The following PI4KA variants were observed in gnomAD, a reference collection of about 807,000 sequenced individuals.
PI4KA encodes PI4-kinase alpha.
PI4KA carries 122 observed loss-of-function variants against 271.4 expected under a neutral mutation model. That is an observed-to-expected ratio of 0.45 (90% confidence interval 0.39 to 0.52). PI4KA has a LOEUF of 0.52. Among genes scored for constraint, PI4KA ranks in the 20% least tolerant of loss-of-function variants. The pLI is 0.00. For synonymous variants in PI4KA, 1,041 were observed against 1,078.8 expected (o/e 0.96, Z 0.69); for missense variants, 1,969 against 2,769.1 (o/e 0.71, Z 6.48).
intron 32 of PI4KA, among the ~76,000 whole-genome samples, chr22:20,737,524 G>A (rs1360578207): frequency 6.6e-6 from 1 of 152,210 alleles, no homozygotes; most frequent in Admixed American, 6.5e-5. Flanking sequence ...GGAGAGGAGA[G>A]AGGTGGATCT....
At chr22:20,717,873 G>A (rs1926208228) in intron 44 of PI4KA, 95 bp from the exon 45 acceptor site, 1 of 828,146 alleles carries the variant, frequency 1.2e-6, no homozygotes, top group Admixed American at 2.0e-5. Context: ...TGCCCTCTCT[G>A]TCCCTCTCTT....
chr22:20,796,420 C>T (rs1178566684), intron 17 of PI4KA, 106 bp from the exon 18 acceptor site: 26 of 927,090 alleles, frequency 2.8e-5, no homozygotes, highest in Non-Finnish European at 4.1e-5. Context: ...CCCAGCCTGC[C>T]TTACCACACT....
chr22:20,764,039 A>G (rs1440698851), intron 22 of PI4KA, among the ~76,000 whole-genome samples: 1 of 152,184 alleles, frequency 6.6e-6, no homozygotes, highest in East Asian at 1.9e-4. Flanking sequence ...TTTCTTTTTC[A>G]AATCATTTGG....
chr22:20,830,339 T>C (rs904069808), intron 3 of PI4KA, among the ~76,000 whole-genome samples: 1 of 121,568 alleles, frequency 8.2e-6, no homozygotes, highest in East Asian at 2.5e-4. Flanking sequence ...TGTATAAATT[T>C]GCTCCCGTGT....
chr22:20,828,628 C>T (rs1390979521), intron 3 of PI4KA, among the ~76,000 whole-genome samples: 1 of 151,866 alleles, frequency 6.6e-6, no homozygotes, highest in East Asian at 1.9e-4. Flanking sequence ...GATCTCGGCT[C>T]ACTGCAACCT....
intron 19 of PI4KA, among the ~76,000 whole-genome samples, chr22:20,791,962 G>T (rs1478798745): frequency 6.6e-6 from 1 of 152,022 alleles, no homozygotes; most frequent in Admixed American, 6.6e-5. Context: ...TTAGCCATGC[G>T]TGGTAGGGCG....
At chr22:20,765,552 C>G in intron 20 of PI4KA, 33 bp downstream of exon 20, 5 of 1,421,308 alleles carry the variant, frequency 3.5e-6, no homozygotes. Context: ...ACTCTGCACT[C>G]CGTCTTCACT....
At chr22:20,798,936 G>A (rs899953049) in intron 16 of PI4KA, 157 bp downstream of exon 16, 5 of 657,560 alleles carry the variant, frequency 7.6e-6, no homozygotes, top group Non-Finnish European at 1.3e-5. Flanking sequence ...AGCACTCACA[G>A]CATCTTACAC....
chr22:20,846,965 A>G (rs1926346901), intron 1 of PI4KA, among the ~76,000 whole-genome samples: 1 of 151,412 alleles, frequency 6.6e-6, no homozygotes, highest in African/African-American at 2.4e-5. Flanking sequence ...GACCAACATG[A>G]TGAAACCCCG....
intron 48 of PI4KA, 74 bp from the exon 49 acceptor site, chr22:20,712,871 G>T: frequency 6.5e-7 from 1 of 1,549,614 alleles, no homozygotes. Flanking sequence ...GCTCATGCAG[G>T]GCAAAAGCCA....
At chr22:20,726,282 T>A in intron 42 of PI4KA, 6 of 484,946 alleles carry the variant, frequency 1.2e-5, no homozygotes, top group Non-Finnish European at 2.1e-5. Flanking sequence ...CAGAGCATGC[T>A]TGGGCCTCAG....
In PI4KA at chr22:20,827,935, C is replaced by T. The variant is rs149995764; in HGVS notation, c.368-3521G>A. Among the ~76,000 whole-genome samples, 1,160 of 152,276 alleles carry T rather than the reference C, an allele frequency of 7.6e-3. 9 individuals carry two copies. Among genetic ancestry groups the T allele is most frequent in the Non-Finnish European group, 0.014 (927 of 68,028 alleles). On this transcript the variant is annotated intron_variant, in intron 3 of 54. Coordinates refer to ENST00000255882, the MANE Select transcript of PI4KA (RefSeq NM_058004.4). ...TCAGCCTCCCAAGTAGCTGGGATTA[C>T]AGGCGTGCACTACCATGCCCAGCTA...
At chr22:20,805,700 T>C (rs1035168697) in intron 10 of PI4KA, among the ~76,000 whole-genome samples, 1 of 151,428 alleles carries the variant, frequency 6.6e-6, no homozygotes, top group Non-Finnish European at 1.5e-5. Context: ...GGCGTGGTGG[T>C]GGGCGCCTGT....
chr22:20,786,985 C>T, intron 19 of PI4KA: 2 of 1,614,194 alleles, frequency 1.2e-6, no homozygotes, highest in Non-Finnish European at 1.7e-6. Context: ...CTGTCGACCG[C>T]CCCTTTCTTT....
Position 20,711,754 on chromosome 22 carries a change from G to GT in PI4KA, c.5803-294dup, listed in dbSNP as rs1008085724. Among the ~76,000 whole-genome samples, 84 of 150,260 alleles carry GT rather than the reference G, an allele frequency of 5.6e-4. No homozygotes were observed. The Middle Eastern group carries it at 0.01, about 18-fold the overall frequency. ...CAAAGTGGCTTACAGATGCCCTGGTGTTTTTTTTTTAAATGGAGTCTCGCT... is the reference window on the plus strand; with the variant it reads ...CAAAGTGGCTTACAGATGCCCTGGTGTTTTTTTTTTTAAATGGAGTCTCGCT... On this transcript the variant is annotated intron_variant, in intron 50 of 54. Coordinates refer to ENST00000255882, the MANE Select transcript of PI4KA (RefSeq NM_058004.4).
intron 1 of PI4KA, among the ~76,000 whole-genome samples, chr22:20,845,135 T>C (rs1223569679): frequency 6.6e-6 from 1 of 152,194 alleles, no homozygotes; most frequent in African/African-American, 2.4e-5. Flanking sequence ...ATGACTGACT[T>C]AGACTTTGAT....
At chr22:20,856,595 T>C (rs1927627417) in intron 1 of PI4KA, among the ~76,000 whole-genome samples, 1 of 151,988 alleles carries the variant, frequency 6.6e-6, no homozygotes, top group Non-Finnish European at 1.5e-5. Context: ...CCACCACACC[T>C]GGCTAATGTT....
intron 23 of PI4KA, among the ~76,000 whole-genome samples, chr22:20,760,302 T>G (rs1360629228): frequency 6.6e-6 from 1 of 152,214 alleles, no homozygotes; most frequent in East Asian, 1.9e-4. Context: ...AGCATTTAAT[T>G]AAAACTTAGG....
rs138678120 is a variant in PI4KA, at chr22:20,846,997, A to C, written c.157-8266T>G. Among the ~76,000 whole-genome samples, 1,125 of 151,908 alleles carry C rather than the reference A, an allele frequency of 7.4e-3. 10 individuals are homozygous for C. The highest frequency in any genetic ancestry group is 0.026 in the African/African-American group (1,083 of 41,392). ...CCCGTCTCTACTAAAAATACAAAAA[A>C]ATTAGCTGGGTGTGGTGCAACGCGC... On this transcript the variant is annotated intron_variant, in intron 1 of 54. Transcript: ENST00000255882.
Sources: allele counts gnomAD v4.1 joint callset (sites outside exome capture counted in the v4.1 genomes callset), GRCh38; gene constraint gnomAD v4.1.1; transcripts MANE v1.5; gene names NCBI Gene and HGNC (gene_info 2026-07-23, HGNC 2026-07-21).